The following C12orf42 variants were observed in gnomAD, a reference collection of about 807,000 sequenced individuals.
The protein encoded by C12orf42 is uncharacterized protein C12orf42.
C12orf42 carries 25 observed loss-of-function variants against 21.6 expected under a neutral mutation model. The observed-to-expected ratio is 1.16, with a 90% CI of 0.84 to 1.62. The LOEUF is 1.62. Among genes scored for constraint, C12orf42 ranks in the 40% most tolerant of loss-of-function variants. The pLI is 0.00. For missense variants in C12orf42, 483 were observed against 459.3 expected (o/e 1.05, Z -0.47); for synonymous variants, 174 against 175.0 (o/e 0.99, Z 0.05).
At chr12:103,388,585 T>TCAAGTCTATACACAAG (rs570034151) in intron 3 of C12orf42, among the ~76,000 whole-genome samples, 1,856 of 152,276 alleles carry the variant, frequency 0.012, 17 homozygotes, top group Non-Finnish European at 0.021. Context: ...TTTGTTATAG[T>TCAAGTCTATACACAAG]TTTCTCTAGA....
At chr12:103,284,865 C>A (rs2036347420) in intron 4 of C12orf42, among the ~76,000 whole-genome samples, 1 of 152,122 alleles carries the variant, frequency 6.6e-6, no homozygotes, top group Admixed American at 6.5e-5. Flanking sequence ...GGATTACACT[C>A]ATTTTTTTTA....
chr12:103,094,800 G>A, the C12orf42 span, among the ~76,000 whole-genome samples: 1 of 152,104 alleles, frequency 6.6e-6, no homozygotes, highest in African/African-American at 2.4e-5. Flanking sequence ...TTTGTGTCAT[G>A]TGTCCGGTTG....
intron 2 of C12orf42, among the ~76,000 whole-genome samples, chr12:103,430,361 A>G (rs922571754): frequency 6.6e-6 from 1 of 152,242 alleles, no homozygotes; most frequent in African/African-American, 2.4e-5. Context: ...CTTATGAAGA[A>G]AAGCTCATCA....
the C12orf42 span, among the ~76,000 whole-genome samples, chr12:103,079,786 T>C: frequency 2.0e-5 from 3 of 152,188 alleles, no homozygotes; most frequent in East Asian, 3.9e-4. Context: ...TGGCAGGGAA[T>C]AGTAGATTGG....
At chr12:103,266,190 T>A (rs1431999942), downstream of C12orf42, among the ~76,000 whole-genome samples, 1 of 152,132 alleles carries the variant, frequency 6.6e-6, no homozygotes, top group East Asian at 1.9e-4. Context: ...ATTTTGATAG[T>A]CAAACTATAA....
chr12:103,542,436 T>C, the C12orf42 span, among the ~76,000 whole-genome samples: 2 of 152,178 alleles, frequency 1.3e-5, no homozygotes, highest in Non-Finnish European at 2.9e-5. Flanking sequence ...ACTTTACCCA[T>C]AAGAAGGCCA....
At chr12:103,415,118 A>G (rs2049194921) in intron 2 of C12orf42, among the ~76,000 whole-genome samples, 1 of 152,152 alleles carries the variant, frequency 6.6e-6, no homozygotes, top group African/African-American at 2.4e-5. Context: ...GAGTAGAGAC[A>G]GCTATTCTTA....
At chr12:103,498,461 T>A (rs1470826802), upstream of C12orf42, among the ~76,000 whole-genome samples, 1 of 152,216 alleles carries the variant, frequency 6.6e-6, no homozygotes, top group South Asian at 2.1e-4. Context: ...GGTACATATA[T>A]ACAATGGGAT....
intron 4 of C12orf42, among the ~76,000 whole-genome samples, chr12:103,291,833 T>C (rs147171008): frequency 9.8e-5 from 15 of 152,308 alleles, no homozygotes; most frequent in African/African-American, 3.4e-4. Context: ...CTTTACTGCA[T>C]CCTGCTTTAA....
intron 5 of C12orf42, among the ~76,000 whole-genome samples, chr12:103,275,793 A>G (rs1007094900): frequency 6.8e-6 from 1 of 146,800 alleles, no homozygotes; most frequent in Non-Finnish European, 1.5e-5. Context: ...CTTTTTTTTT[A>G]AAATCCATTT....
At chr12:103,507,731 C>T in the C12orf42 span, among the ~76,000 whole-genome samples, 8 of 151,864 alleles carry the variant, frequency 5.3e-5, no homozygotes, top group Non-Finnish European at 7.4e-5. Flanking sequence ...CATCGACACA[C>T]GTGGAATTAG....
At chr12:103,254,950 T>C (rs2034486524) in intron 10 of C12orf42, among the ~76,000 whole-genome samples, 2 of 152,204 alleles carry the variant, frequency 1.3e-5, no homozygotes, top group African/African-American at 2.4e-5. Context: ...AAATTATAAA[T>C]GTTTCATGCA....
the C12orf42 span, among the ~76,000 whole-genome samples, chr12:103,116,771 T>C: frequency 6.6e-6 from 1 of 152,216 alleles, no homozygotes. Context: ...GAAGGTATTT[T>C]TCTCCCCATT....
chr12:103,335,069 A>C (rs2041574971), intron 4 of C12orf42, among the ~76,000 whole-genome samples: 1 of 152,152 alleles, frequency 6.6e-6, no homozygotes, highest in African/African-American at 2.4e-5. Flanking sequence ...GTGTTTTATG[A>C]GAGGCTGGAA....
At chr12:103,411,695 C>T (rs1215687678) in intron 2 of C12orf42, among the ~76,000 whole-genome samples, 1 of 152,084 alleles carries the variant, frequency 6.6e-6, no homozygotes, top group African/African-American at 2.4e-5. Flanking sequence ...GAAAGCAAGC[C>T]CTCACCACTG....
chr12:103,447,102 T>C (rs369533919), intron 2 of C12orf42, among the ~76,000 whole-genome samples: 2 of 152,110 alleles, frequency 1.3e-5, no homozygotes, highest in African/African-American at 2.4e-5. Flanking sequence ...AGATAGACCA[T>C]GTGATAGGGC....
the C12orf42 span, among the ~76,000 whole-genome samples, chr12:103,099,618 G>A: frequency 6.6e-6 from 1 of 152,144 alleles, no homozygotes; most frequent in African/African-American, 2.4e-5. Context: ...AATGAAGAAA[G>A]TATAACATCC....
chr12:103,532,903 G>C, the C12orf42 span, among the ~76,000 whole-genome samples: 2 of 152,182 alleles, frequency 1.3e-5, no homozygotes, highest in African/African-American at 2.4e-5. Flanking sequence ...ACATCAAAAC[G>C]CCCCTGCCCC....
the C12orf42 span, among the ~76,000 whole-genome samples, chr12:103,146,175 G>A: frequency 2.1e-4 from 32 of 152,028 alleles, no homozygotes; most frequent in Admixed American, 1.8e-3. Context: ...TATTTATAAG[G>A]TTTTTTACAT....
Sources: allele counts gnomAD v4.1 joint callset (sites outside exome capture counted in the v4.1 genomes callset), GRCh38; gene constraint gnomAD v4.1.1; transcripts MANE v1.5; gene names NCBI Gene and HGNC (gene_info 2026-07-23, HGNC 2026-07-21).